Variants in PTPRD observed in about 807,000 individuals in gnomAD.
The protein encoded by PTPRD is receptor-type tyrosine-protein phosphatase delta.
In PTPRD, 34 loss-of-function variants were observed where a neutral mutation model predicts 214.5. The observed-to-expected ratio is 0.16, with a 90% CI of 0.12 to 0.21. PTPRD has a LOEUF of 0.21. Ranked by LOEUF, PTPRD falls within the 10% of genes least tolerant of loss-of-function variation. The pLI, the probability that PTPRD is intolerant of heterozygous loss-of-function variation, is 1.00. For synonymous variants in PTPRD, 1,128 were observed against 845.7 expected (o/e 1.33, Z -5.79); for missense variants, 2,545 against 2,398.7 (o/e 1.06, Z -1.27).
At chr9:9,358,539 G>C (rs940567507) in intron 9 of PTPRD, among the ~76,000 whole-genome samples, 69 of 151,250 alleles carry the variant, frequency 4.6e-4, no homozygotes, top group African/African-American at 1.6e-3. Context: ...TCATATTTTT[G>C]CCTTTACAGA....
chr9:10,445,868 A>G (rs2154524787), intron 2 of PTPRD, among the ~76,000 whole-genome samples: 1 of 152,252 alleles, frequency 6.6e-6, no homozygotes, highest in Non-Finnish European at 1.5e-5. Flanking sequence ...AAAAACTAAC[A>G]ACAACAAAAA....
At chr9:9,606,392 A>C (rs891713372) in intron 7 of PTPRD, among the ~76,000 whole-genome samples, 1 of 152,112 alleles carries the variant, frequency 6.6e-6, no homozygotes, top group African/African-American at 2.4e-5. Flanking sequence ...AGTGTGTGTT[A>C]GAATAAAATC....
At chr9:9,959,300 G>A (rs920551194) in intron 4 of PTPRD, among the ~76,000 whole-genome samples, 6 of 152,116 alleles carry the variant, frequency 3.9e-5, no homozygotes, top group African/African-American at 9.7e-5. Flanking sequence ...AAAACTTGTA[G>A]AAATAGTAAA....
chr9:9,943,196 G>C (rs10491910), intron 4 of PTPRD, among the ~76,000 whole-genome samples: 1 of 152,090 alleles, frequency 6.6e-6, no homozygotes, highest in East Asian at 1.9e-4. Context: ...CCTGGAACTT[G>C]TTAGATATCC....
intron 11 of PTPRD, among the ~76,000 whole-genome samples, chr9:8,943,663 T>C (rs2154296784): frequency 6.6e-6 from 1 of 151,420 alleles, no homozygotes; most frequent in East Asian, 2.0e-4. Flanking sequence ...TTCCAGATTA[T>C]TTCCCAGAAT....
intron 3 of PTPRD, among the ~76,000 whole-genome samples, chr9:10,258,437 A>G (rs532127224): frequency 3.5e-4 from 54 of 152,342 alleles, no homozygotes; most frequent in African/African-American, 1.2e-3. Context: ...CTATCTTGCC[A>G]TAATATCTCG....
intron 9 of PTPRD, among the ~76,000 whole-genome samples, chr9:9,338,909 T>C (rs972914747): frequency 6.6e-6 from 1 of 152,140 alleles, no homozygotes; most frequent in Non-Finnish European, 1.5e-5. Flanking sequence ...GTTCTCATTA[T>C]TCAACTCCCA....
chr9:10,461,687 A>G (rs2098960228), intron 2 of PTPRD, among the ~76,000 whole-genome samples: 2 of 150,018 alleles, frequency 1.3e-5, no homozygotes, highest in East Asian at 2.0e-4. Flanking sequence ...CAGTGGCACG[A>G]TATCAGCTCA....
At chr9:9,333,777 G>A (rs2043307904) in intron 9 of PTPRD, among the ~76,000 whole-genome samples, 1 of 151,380 alleles carries the variant, frequency 6.6e-6, no homozygotes, top group Non-Finnish European at 1.5e-5. Flanking sequence ...ATTAGCTAAA[G>A]GAAAACACTA....
intron 11 of PTPRD, among the ~76,000 whole-genome samples, chr9:9,012,969 T>C (rs2099517807): frequency 6.6e-6 from 1 of 152,100 alleles, no homozygotes; most frequent in African/African-American, 2.4e-5. Context: ...CAGCAAAATT[T>C]TGAGTGTCTA....
At chr9:8,776,349 C>A (rs919683828) in intron 11 of PTPRD, among the ~76,000 whole-genome samples, 1 of 152,136 alleles carries the variant, frequency 6.6e-6, no homozygotes, top group Non-Finnish European at 1.5e-5. Flanking sequence ...ATCGCCCAGG[C>A]TGGAGTGCAA....
chr9:8,480,780 T>G (rs888144372), intron 30 of PTPRD, among the ~76,000 whole-genome samples: 1 of 152,170 alleles, frequency 6.6e-6, no homozygotes, highest in Non-Finnish European at 1.5e-5. Context: ...ATAATCCCGC[T>G]GTCATACTGA....
chr9:9,882,212 T>C (rs1025724724), intron 5 of PTPRD, among the ~76,000 whole-genome samples: 3 of 152,186 alleles, frequency 2.0e-5, no homozygotes, highest in Non-Finnish European at 4.4e-5. Context: ...TTTTTTAACC[T>C]CTCTCCTCAT....
At chr9:9,900,641 G>GTTTGGTTTTTTTTTTTTTTTT (rs1555302233) in intron 5 of PTPRD, among the ~76,000 whole-genome samples, 2 of 120,086 alleles carry the variant, frequency 1.7e-5, no homozygotes, top group African/African-American at 6.2e-5. Flanking sequence ...ACATTTTCAG[G>GTTTGGTTTTTTTTTTTTTTTT]TTTTTTTTTT....
At chr9:9,478,201 CG>C in intron 8 of PTPRD, among the ~76,000 whole-genome samples, 2 of 152,078 alleles carry the variant, frequency 1.3e-5, no homozygotes, top group East Asian at 3.9e-4. Context: ...CATTTGTGCC[CG>C]GGTCTTTCTA....
intron 39 of PTPRD, among the ~76,000 whole-genome samples, chr9:8,374,975 A>G (rs1036027295): frequency 6.6e-6 from 1 of 151,904 alleles, no homozygotes; most frequent in South Asian, 2.1e-4. Flanking sequence ...GGTATGAAAG[A>G]GAGTGATGGT....
At chr9:9,520,297 ATATT>A (rs1590565913) in intron 8 of PTPRD, among the ~76,000 whole-genome samples, 2 of 147,680 alleles carry the variant, frequency 1.4e-5, no homozygotes, top group East Asian at 3.9e-4. Context: ...TTATATATAT[ATATT>A]AAGTTATATA....
chr9:8,773,289 T>A (rs1243250394), intron 11 of PTPRD, among the ~76,000 whole-genome samples: 1 of 152,214 alleles, frequency 6.6e-6, no homozygotes, highest in African/African-American at 2.4e-5. Flanking sequence ...GTCCTGGTAC[T>A]ATGTCCTGCA....
chr9:8,362,979 T>C (rs1161325454), intron 39 of PTPRD, among the ~76,000 whole-genome samples: 1 of 152,224 alleles, frequency 6.6e-6, no homozygotes, highest in Non-Finnish European at 1.5e-5. Flanking sequence ...AGGAGCTTGA[T>C]TTATCAGTTT....
Sources: gnomAD v4.1 joint callset for allele counts (sites outside exome capture counted in the v4.1 genomes callset) on GRCh38, gnomAD v4.1.1 for gene constraint, MANE v1.5 for transcripts, NCBI Gene and HGNC (gene_info 2026-07-23, HGNC 2026-07-21) for gene names.